The following RPH3A variants were observed in gnomAD, a reference collection of about 807,000 sequenced individuals.
RPH3A encodes the protein rabphilin 3A.
Under a neutral mutation model 102.2 loss-of-function variants are expected in RPH3A, and 48 were observed. The ratio of observed to expected loss-of-function variants is 0.47; its 90% CI spans 0.37 to 0.60. RPH3A has a LOEUF of 0.60. RPH3A is among the 20% of genes least tolerant of loss of function. The pLI is 0.00. For synonymous variants in RPH3A, 310 were observed against 324.3 expected, an observed-to-expected ratio of 0.96 and a Z score of 0.47; for missense variants, 781 against 910.1, an observed-to-expected ratio of 0.86 and a Z score of 1.83.
chr12:112,676,458 C>G (rs1357630921), intron 1 of RPH3A, among the ~76,000 whole-genome samples: 1 of 152,222 alleles, frequency 6.6e-6, no homozygotes, highest in Admixed American at 6.5e-5. Context: ...TTCTCCCCAG[C>G]AGGGTTAAAC....
chr12:112,594,633 G>C (rs932166590), intron 1 of RPH3A, among the ~76,000 whole-genome samples: 1 of 152,192 alleles, frequency 6.6e-6, no homozygotes, highest in Non-Finnish European at 1.5e-5. Flanking sequence ...AAACAAAACA[G>C]ATTCTGTTCC....
rs1566255385 is a variant in RPH3A at position 112,678,318 on chromosome 12, A to AG, written c.-140+102999_-140+103000insG. On this transcript the variant is annotated intron_variant, in intron 1 of 21. Transcript: ENST00000543106. The stretch of plus-strand genomic sequence containing the variant: ...GAAAGAAAGAAAGAGAGAGAGAGAG[A>AG]AAGAAAGAAAGAAGGAAGGAAGGAA... Among the ~76,000 whole-genome samples the AG allele has an allele frequency of 1.7e-3, 212 of 122,514 alleles. 17 individuals carry two copies. The highest frequency in any genetic ancestry group is 6.8e-3 in the Admixed American group (87 of 12,824). The allele number at this position is 122,514 out of a possible 152,430, so 80.4% of individuals were successfully genotyped here.
chr12:112,812,556 G>A (rs1401368662), intron 2 of RPH3A, among the ~76,000 whole-genome samples: 1 of 152,170 alleles, frequency 6.6e-6, no homozygotes, highest in Non-Finnish European at 1.5e-5. Context: ...ATCATTCTAT[G>A]CCATCTTGAT....
At chr12:112,873,290 G>C (rs959296669) in intron 10 of RPH3A, among the ~76,000 whole-genome samples, 1 of 152,246 alleles carries the variant, frequency 6.6e-6, no homozygotes, top group South Asian at 2.1e-4. Flanking sequence ...GCAGCAAAGA[G>C]AGGCTAAAAC....
intron 1 of RPH3A, among the ~76,000 whole-genome samples, chr12:112,756,352 A>G (rs1460996941): frequency 6.6e-6 from 1 of 152,120 alleles, no homozygotes; most frequent in Non-Finnish European, 1.5e-5. Flanking sequence ...AGCTGGGATT[A>G]CAGGTATGCA....
intron 1 of RPH3A, among the ~76,000 whole-genome samples, chr12:112,755,540 G>A (rs964461079): frequency 6.6e-6 from 1 of 152,156 alleles, no homozygotes; most frequent in African/African-American, 2.4e-5. Context: ...AGCTGATAAC[G>A]TTGAGAGTCT....
chr12:112,657,555 G>A (rs1225015100), intron 1 of RPH3A, among the ~76,000 whole-genome samples: 3 of 152,016 alleles, frequency 2.0e-5, no homozygotes, highest in Admixed American at 2.0e-4. Flanking sequence ...TGAGTAATGC[G>A]TTATGCTATG....
At chr12:112,853,289 T>G (rs1188718244) in intron 5 of RPH3A, among the ~76,000 whole-genome samples, 3 of 152,220 alleles carry the variant, frequency 2.0e-5, no homozygotes, top group Non-Finnish European at 4.4e-5. Flanking sequence ...CATTTAAACC[T>G]AAAGTCTTCA....
chr12:112,597,096 C>A (rs981193960), intron 1 of RPH3A, among the ~76,000 whole-genome samples: 3 of 152,138 alleles, frequency 2.0e-5, no homozygotes, highest in Admixed American at 6.5e-5. Flanking sequence ...CTTAATATAT[C>A]TGCATAAAAT....
chr12:112,756,779 G>C (rs1192633812), intron 1 of RPH3A, among the ~76,000 whole-genome samples: 1 of 152,160 alleles, frequency 6.6e-6, no homozygotes, highest in Non-Finnish European at 1.5e-5. Flanking sequence ...AGGAATTGCT[G>C]TGTCAAAAAA....
intron 5 of RPH3A, among the ~76,000 whole-genome samples, chr12:112,858,442 A>G (rs772550413): frequency 7.9e-5 from 12 of 151,910 alleles, no homozygotes; most frequent in Non-Finnish European, 1.3e-4. Flanking sequence ...ATCTCCCACC[A>G]TTCAGCCTCC....
At chr12:112,676,115 C>T (rs924095268) in intron 1 of RPH3A, among the ~76,000 whole-genome samples, 7 of 152,076 alleles carry the variant, frequency 4.6e-5, no homozygotes, top group African/African-American at 1.7e-4. Flanking sequence ...ATCCTGGCTT[C>T]TCCCTTCCTT....
At chr12:112,597,062 C>G (rs2135966554) in intron 1 of RPH3A, among the ~76,000 whole-genome samples, 1 of 152,286 alleles carries the variant, frequency 6.6e-6, no homozygotes, top group Non-Finnish European at 1.5e-5. Context: ...CATTAACCTT[C>G]TCCCACCCAA....
At chr12:112,694,956 C>T (rs927592720) in intron 1 of RPH3A, 4 of 170,196 alleles carry the variant, frequency 2.4e-5, no homozygotes, top group African/African-American at 9.6e-5. Flanking sequence ...TCTGAGTTCT[C>T]ATCCCTTCTA....
chr12:112,624,382 C>T (rs575580027), intron 1 of RPH3A, among the ~76,000 whole-genome samples: 7 of 148,624 alleles, frequency 4.7e-5, no homozygotes, highest in South Asian at 2.2e-4. Context: ...ATATCACCAC[C>T]GATCCCACAG....
In RPH3A at chr12:112,712,999, CTCT is replaced by C. The variant is rs1261707932; in HGVS notation, c.-139-79141_-139-79139del. On this transcript the variant is annotated intron_variant, in intron 1 of 21. Transcript: ENST00000543106. ...TTTCTTCTTCGTCGTCTTTGTCTTC[CTCT>C]TCCTCTTCCTCTTCCTCTTCCTCTT... Among the ~76,000 whole-genome samples, 75 of 67,482 alleles carry C rather than the reference CTCT, an allele frequency of 1.1e-3. 2 individuals carry two copies. The highest frequency in any genetic ancestry group is 4.0e-3 in the African/African-American group (61 of 15,308). 44.3% of individuals were successfully genotyped at this position (67,482 alleles called of 152,430 possible).
At chr12:112,624,105 C>A in intron 1 of RPH3A, among the ~76,000 whole-genome samples, 5 of 143,898 alleles carry the variant, frequency 3.5e-5, no homozygotes, top group African/African-American at 1.3e-4. Flanking sequence ...CAAGAGAAAG[C>A]AGGAAAGATC....
chr12:112,637,512 A>C (rs1338660465), intron 1 of RPH3A, among the ~76,000 whole-genome samples: 1 of 152,186 alleles, frequency 6.6e-6, no homozygotes, highest in African/African-American at 2.4e-5. Context: ...TCAGATAAGC[A>C]ATAAACATAC....
At chr12:112,709,607 A>T (rs2040446591) in intron 1 of RPH3A, among the ~76,000 whole-genome samples, 1 of 151,574 alleles carries the variant, frequency 6.6e-6, no homozygotes, top group Non-Finnish European at 1.5e-5. Flanking sequence ...TGCATTGTTT[A>T]TTTATTCCCC....
Sources: gnomAD v4.1 joint callset for allele counts (sites outside exome capture counted in the v4.1 genomes callset) on GRCh38, gnomAD v4.1.1 for gene constraint, MANE v1.5 for transcripts, NCBI Gene and HGNC (gene_info 2026-07-23, HGNC 2026-07-21) for gene names.